MARK1: variants seen among roughly 807,000 people sequenced by gnomAD.
The protein encoded by MARK1 is microtubule affinity regulating kinase 1.
A neutral mutation model predicts 96.3 loss-of-function variants in MARK1; 40 were observed. The ratio of observed to expected loss-of-function variants is 0.42; its 90% CI spans 0.32 to 0.54. The LOEUF is 0.54. Among genes scored for constraint, MARK1 ranks in the 20% least tolerant of loss-of-function variants. MARK1 has a pLI of 0.16. For synonymous variants in MARK1, 317 were observed against 341.2 expected (o/e 0.93, Z 0.78); for missense variants, 719 against 984.6 (o/e 0.73, Z 3.61).
At chr1:220,645,792 A>G (rs926434041) in intron 13 of MARK1, among the ~76,000 whole-genome samples, 1 of 152,228 alleles carries the variant, frequency 6.6e-6, no homozygotes, top group Non-Finnish European at 1.5e-5. Context: ...AAACAGGACT[A>G]AAGACAAAAA....
rs1405399053 is a variant in MARK1, at chr1:220,652,090, G to A, written c.1676G>A (p.Gly559Asp). Reference protein sequence around the residue: ...PRHQKSMSTSGHPIKVTLPTI... With the variant: ...PRHQKSMSTSDHPIKVTLPTI... ...CACCAGAAGTCCATGTCCACTTCTG[G>A]TCATCCTATTAAAGTCACACTGCCA... The change falls in exon 15 of 18, where the codon GGT (glycine) becomes GAT (aspartate). Residue 559 changes from glycine to aspartate, a missense_variant. Physicochemically the swap from Gly to Asp is moderately conservative, Grantham distance 94. This residue lies in a region of MARK1 where 501 missense variants were observed against 588.3 expected (regional missense o/e 0.85). Transcript: ENST00000366917. The A allele has an allele frequency of 1.2e-6, 2 of 1,613,474 alleles. No homozygotes were observed. Among genetic ancestry groups the A allele is most frequent in the African/African-American group, 1.3e-5 (1 of 74,838 alleles).
intron 1 of MARK1, among the ~76,000 whole-genome samples, chr1:220,572,768 C>T (rs972800085): frequency 4.6e-5 from 7 of 152,154 alleles, no homozygotes; most frequent in African/African-American, 1.4e-4. Context: ...GCTCTTTATT[C>T]ATTTATATAG....
intron 6 of MARK1, among the ~76,000 whole-genome samples, chr1:220,615,300 G>A (rs1057065917): frequency 6.6e-6 from 1 of 152,044 alleles, no homozygotes; most frequent in Admixed American, 6.6e-5. Flanking sequence ...CAAGTTACAG[G>A]CATAGAATAC....
chr1:220,627,045 C>G, intron 9 of MARK1: 1 of 542,376 alleles, frequency 1.8e-6, no homozygotes, highest in South Asian at 1.4e-5. Flanking sequence ...CACATCAGTC[C>G]TTCCAGTATG....
intron 4 of MARK1, among the ~76,000 whole-genome samples, chr1:220,598,939 A>G (rs973264886): frequency 6.6e-6 from 1 of 152,006 alleles, no homozygotes; most frequent in African/African-American, 2.4e-5. Flanking sequence ...AGATCGCACC[A>G]CTGCACTCCA....
chr1:220,560,248 G>T (rs994301932), intron 1 of MARK1, among the ~76,000 whole-genome samples: 1 of 152,116 alleles, frequency 6.6e-6, no homozygotes, highest in Non-Finnish European at 1.5e-5. Flanking sequence ...TCCAATTCAG[G>T]ATGAGATTTG....
intron 3 of MARK1, among the ~76,000 whole-genome samples, chr1:220,585,903 T>G (rs990946202): frequency 6.6e-6 from 1 of 152,180 alleles, no homozygotes; most frequent in Non-Finnish European, 1.5e-5. Context: ...TCTGCTTTTA[T>G]CTTTCTCTAT....
intron 9 of MARK1, among the ~76,000 whole-genome samples, chr1:220,619,094 A>G (rs1026593633): frequency 4.6e-5 from 7 of 152,224 alleles, no homozygotes; most frequent in African/African-American, 1.7e-4. Flanking sequence ...GTAAGTACTC[A>G]ATAAATATTT....
At chr1:220,636,154 G>A in intron 13 of MARK1, 128 bp downstream of exon 13, 1 of 640,808 alleles carries the variant, frequency 1.6e-6, no homozygotes, top group Non-Finnish European at 2.5e-6. Context: ...TAAAGAACAT[G>A]CAAAAGGGAC....
At chr1:220,627,541 T>C in intron 9 of MARK1, 1 of 346,002 alleles carries the variant, frequency 2.9e-6, no homozygotes, top group Admixed American at 4.0e-5. Context: ...TGTGTATTTA[T>C]AGGAAAGTTT....
At chr1:220,638,867 A>G (rs976602172) in intron 13 of MARK1, among the ~76,000 whole-genome samples, 5 of 152,098 alleles carry the variant, frequency 3.3e-5, no homozygotes, top group Admixed American at 2.0e-4. Flanking sequence ...CCTCTTCCCT[A>G]TCCATTTCCT....
chr1:220,644,510 T>G (rs771114041), intron 13 of MARK1, among the ~76,000 whole-genome samples: 16 of 144,456 alleles, frequency 1.1e-4, no homozygotes, highest in South Asian at 2.4e-4. Context: ...ACTGTCAGTA[T>G]TAGACAGATC....
chr1:220,588,216 A>G (rs1180646074), intron 3 of MARK1, among the ~76,000 whole-genome samples: 2 of 152,194 alleles, frequency 1.3e-5, no homozygotes, highest in African/African-American at 4.8e-5. Context: ...CATATCTCCA[A>G]CAATTACTTT....
intron 13 of MARK1, among the ~76,000 whole-genome samples, chr1:220,643,265 G>A (rs577439714): frequency 6.6e-5 from 10 of 152,294 alleles, no homozygotes; most frequent in African/African-American, 2.4e-4. Context: ...TAATGACCTG[G>A]TGGAGCCGAA....
At chr1:220,597,331 C>T (rs762091628) in intron 3 of MARK1, among the ~76,000 whole-genome samples, 3 of 152,018 alleles carry the variant, frequency 2.0e-5, no homozygotes, top group Non-Finnish European at 4.4e-5. Context: ...TTGTCATTCC[C>T]ATCAATACTG....
In MARK1 at chr1:220,542,387, T is replaced by G. The variant is rs943428363; in HGVS notation, c.51+13514T>G. On this transcript the variant is annotated intron_variant, in intron 1 of 17. Coordinates refer to ENST00000366917, the MANE Select transcript of MARK1 (RefSeq NM_018650.5). ...TTCACTATGGTTGTTTCTTATTGAATTGCTGGTATTTGATGGTGTCATTCA... is the reference window on the plus strand; with the variant it reads ...TTCACTATGGTTGTTTCTTATTGAAGTGCTGGTATTTGATGGTGTCATTCA... Among the ~76,000 whole-genome samples the G allele has an allele frequency of 3.0e-4, 45 of 152,210 alleles. 1 individual carries two copies. Among genetic ancestry groups the G allele is most frequent in the Non-Finnish European group, 1.0e-4 (7 of 68,042 alleles).
rs549513105 is a variant in MARK1, at chr1:220,643,292, A to T, written c.1470+7266A>T. 2.0e-5 allele frequency among the ~76,000 whole-genome samples: 3 copies of T among 152,246 alleles called. No individual in the cohort carries two copies. In the East Asian group the frequency reaches 5.8e-4, roughly 29 times the overall value. On this transcript the variant is annotated intron_variant, in intron 13 of 17. Coordinates refer to ENST00000366917, the MANE Select transcript of MARK1 (RefSeq NM_018650.5). ...GGAGCCGAAAAACACAGCACGATGC[A>T]AACACAAGTAGCAACAGCCGAATAG...
intron 17 of MARK1, among the ~76,000 whole-genome samples, chr1:220,658,341 G>A (rs952527261): frequency 2.1e-4 from 32 of 152,230 alleles, no homozygotes; most frequent in African/African-American, 7.7e-4. Context: ...TTCTGGCAAT[G>A]GGTTTCATAC....
intron 6 of MARK1, among the ~76,000 whole-genome samples, chr1:220,615,459 T>C (rs1666687668): frequency 6.6e-6 from 1 of 152,242 alleles, no homozygotes; most frequent in East Asian, 1.9e-4. Context: ...AATACCTCAT[T>C]GTTAAGTTCT....
Sources: gnomAD v4.1 joint callset for allele counts (sites outside exome capture counted in the v4.1 genomes callset) on GRCh38, gnomAD v4.1.1 for gene constraint, gnomAD v4.1.1 regional missense constraint, MANE v1.5 for transcripts, NCBI Gene and HGNC (gene_info 2026-07-23, HGNC 2026-07-21) for gene names.